Variants in IRF2 observed in about 807,000 individuals in gnomAD.
IRF2 encodes interferon regulatory factor 2.
A neutral mutation model predicts 40.6 loss-of-function variants in IRF2; 15 were observed. That is an observed-to-expected ratio of 0.37 (90% CI 0.25 to 0.57). IRF2 has a LOEUF of 0.57. Among genes scored for constraint, IRF2 ranks in the 20% least tolerant of loss-of-function variants. The probability of loss-of-function intolerance (pLI) is 0.77; values close to 1 mark genes in which losing one functional copy is unlikely to be tolerated. For synonymous variants in IRF2, 151 were observed against 165.5 expected (o/e 0.91, Z 0.67); for missense variants, 317 against 455.7 (o/e 0.70, Z 2.77).
intron 1 of IRF2, among the ~76,000 whole-genome samples, chr4:184,447,688 CAAG>C (rs1469331669): frequency 1.3e-5 from 2 of 152,152 alleles, no homozygotes; most frequent in Non-Finnish European, 2.9e-5. Context: ...TGTAAGGATG[CAAG>C]AAGAAGAAAG....
intron 2 of IRF2, among the ~76,000 whole-genome samples, chr4:184,426,377 C>T (rs932424234): frequency 6.6e-6 from 1 of 152,152 alleles, no homozygotes; most frequent in Non-Finnish European, 1.5e-5. Context: ...TGGAGTCCCT[C>T]GGCTGCGGCT....
chr4:184,406,581 T>A (rs1455610959), intron 6 of IRF2, among the ~76,000 whole-genome samples: 1 of 152,072 alleles, frequency 6.6e-6, no homozygotes, highest in African/African-American at 2.4e-5. Flanking sequence ...CACAATAAAA[T>A]ATGGCAAAAA....
intron 2 of IRF2, among the ~76,000 whole-genome samples, chr4:184,427,121 GCTAA>G (rs1737701910): frequency 6.6e-6 from 1 of 152,118 alleles, no homozygotes; most frequent in Non-Finnish European, 1.5e-5. Context: ...CGGCACCCCT[GCTAA>G]CTGAGCTGAC....
In IRF2 at chr4:184,408,042, G is replaced by A. The variant is rs1736925224; in HGVS notation, c.529+116C>T. Reference sequence around the variant, plus strand: ...CTGGGGGCTGGAACTTGCATTCTGAGATGATTCCAAGACCTCCTCCCACTG... The same window carrying A: ...CTGGGGGCTGGAACTTGCATTCTGAAATGATTCCAAGACCTCCTCCCACTG... On this transcript the variant is annotated intron_variant, in intron 6 of 8. Transcript: ENST00000393593. This position sits in a 1 kb window ranked among gnomAD's most constrained non-coding sequence, Gnocchi z 4.9. The A allele has an allele frequency of 4.8e-6, 3 of 627,558 alleles. No individual in the cohort carries two copies. Among genetic ancestry groups the A allele is most frequent in the Non-Finnish European group, 8.6e-6 (3 of 348,286 alleles). The allele number at this position is 627,558 out of a possible 1,614,324, so 38.9% of individuals were successfully genotyped here.
At chr4:184,416,215 G>A (rs1468167024) in intron 5 of IRF2, among the ~76,000 whole-genome samples, 3 of 151,774 alleles carry the variant, frequency 2.0e-5, no homozygotes, top group African/African-American at 7.3e-5. Flanking sequence ...ACTAGAGGGA[G>A]GCTGAGGCGG....
chr4:184,431,278 G>C (rs1219105093), intron 1 of IRF2, among the ~76,000 whole-genome samples: 1 of 152,190 alleles, frequency 6.6e-6, no homozygotes, highest in African/African-American at 2.4e-5. Flanking sequence ...TCATTCATTT[G>C]TTCATCCACC....
At chr4:184,468,515 T>C (rs1358937162) in intron 1 of IRF2, among the ~76,000 whole-genome samples, 1 of 151,692 alleles carries the variant, frequency 6.6e-6, no homozygotes, top group African/African-American at 2.4e-5. Flanking sequence ...GAAAATTCAA[T>C]GTATCACAAA....
intron 1 of IRF2, among the ~76,000 whole-genome samples, chr4:184,470,374 T>C (rs1441699339): frequency 6.6e-6 from 1 of 152,194 alleles, no homozygotes; most frequent in Non-Finnish European, 1.5e-5. Flanking sequence ...ATTCAATAAA[T>C]GCACATGAGC....
intron 1 of IRF2, among the ~76,000 whole-genome samples, chr4:184,447,954 C>T (rs1301789560): frequency 3.9e-5 from 6 of 152,124 alleles, no homozygotes; most frequent in Middle Eastern, 3.2e-3. Flanking sequence ...ACTCACACAG[C>T]GGTGCTAGTT....
intron 1 of IRF2, among the ~76,000 whole-genome samples, chr4:184,471,404 G>T (rs529653368): frequency 6.6e-6 from 1 of 152,114 alleles, no homozygotes; most frequent in African/African-American, 2.4e-5. Flanking sequence ...ACTGTGTCTG[G>T]CTTATAATAG....
rs535643535 is a variant in IRF2, at chr4:184,406,442, A to C, written c.529+1716T>G. Among the ~76,000 whole-genome samples the C allele has an allele frequency of 5.9e-5, 9 of 152,086 alleles. No homozygotes were observed. In the East Asian group the frequency reaches 1.4e-3, roughly 23 times the overall value. ...ACAGGGTTTCACCATATTGGCCAGG[A>C]TGGTCTTGATCTGCTGAGCTCGTGA... is the stretch of plus-strand genomic sequence containing the variant. On this transcript the variant is annotated intron_variant, in intron 6 of 8. Transcript: ENST00000393593.
Position 184,387,821 on chromosome 4 carries a change from TA to T in IRF2, c.*936del, listed in dbSNP as rs3832301. On this transcript the variant is annotated 3_prime_UTR_variant, in exon 9 of 9. Coordinates refer to ENST00000393593, the MANE Select transcript of IRF2 (RefSeq NM_002199.4). Reference sequence around the variant, plus strand: ...AAAGCTTTTTTCACCTTTACAAAATTAAAAAAAAAAATGTGCCACAAGGATG... The same window carrying T: ...AAAGCTTTTTTCACCTTTACAAAATTAAAAAAAAAATGTGCCACAAGGATG... 0.23 allele frequency: 33,812 copies of T among 148,542 alleles called. 3,831 individuals carry two copies. The highest frequency in any genetic ancestry group is 0.3 in the Middle Eastern group (87 of 292). 9.2% of individuals were successfully genotyped at this position (148,542 alleles called of 1,614,324 possible). A position where few individuals can be genotyped will look rare whatever the true frequency, so the allele number is the denominator to read the frequency against.
chr4:184,450,829 A>T (rs1025447027), intron 1 of IRF2, among the ~76,000 whole-genome samples: 2 of 152,208 alleles, frequency 1.3e-5, no homozygotes, highest in Non-Finnish European at 2.9e-5. Flanking sequence ...GGATCACGTT[A>T]AATGGCATTT....
chr4:184,466,645 G>T (rs1739340705), intron 1 of IRF2, among the ~76,000 whole-genome samples: 1 of 152,212 alleles, frequency 6.6e-6, no homozygotes, highest in African/African-American at 2.4e-5. Context: ...TTTAGATTGA[G>T]TTTGGGGCCT....
chr4:184,388,604 G>C lies in IRF2; in HGVS notation c.*154C>G, dbSNP rs1188852694. On this transcript the variant is annotated 3_prime_UTR_variant, in exon 9 of 9. Coordinates refer to ENST00000393593, the MANE Select transcript of IRF2 (RefSeq NM_002199.4). The surrounding 1 kb of genome is among the most constrained non-coding windows in gnomAD (Gnocchi z 4.6). ...AGTCCTGAGTTAAAGAGAAGCTCCA[G>C]TACTGGAGTTGGACACAGCAATCAA... The C allele has an allele frequency of 1.4e-6, 1 of 739,898 alleles. No individual in the cohort carries two copies. The highest frequency in any genetic ancestry group is 2.2e-6 in the Non-Finnish European group (1 of 455,074). The allele number at this position is 739,898 out of a possible 1,614,324, so 45.8% of individuals were successfully genotyped here. A position where few individuals can be genotyped will look rare whatever the true frequency, so the allele number is the denominator to read the frequency against.
intron 1 of IRF2, chr4:184,472,411 C>T (rs968157710): frequency 8.5e-5 from 13 of 152,128 alleles, no homozygotes; most frequent in Middle Eastern, 3.2e-3. Flanking sequence ...AACTGAACTG[C>T]TCAAAGAGAA....
chr4:184,439,172 TCTC>T (rs1218181721), intron 1 of IRF2, among the ~76,000 whole-genome samples: 2 of 152,000 alleles, frequency 1.3e-5, no homozygotes, highest in Non-Finnish European at 2.9e-5. Context: ...AACCACCAAT[TCTC>T]CTACTACGTA....
At chr4:184,417,706 A>G (rs1737331882) in intron 5 of IRF2, among the ~76,000 whole-genome samples, 1 of 152,220 alleles carries the variant, frequency 6.6e-6, no homozygotes, top group Non-Finnish European at 1.5e-5. Flanking sequence ...GCTGACATTG[A>G]CCACTCTGTC....
chr4:184,409,433 G>A (rs1346708572), intron 5 of IRF2, among the ~76,000 whole-genome samples: 1 of 152,094 alleles, frequency 6.6e-6, no homozygotes, highest in African/African-American at 2.4e-5. Context: ...TCACTCCACT[G>A]TATAGCTCGG....
Sources: gnomAD v4.1 joint callset for allele counts (sites outside exome capture counted in the v4.1 genomes callset) on GRCh38, gnomAD v4.1.1 for gene constraint, Gnocchi (gnomAD v3.1) non-coding constraint, MANE v1.5 for transcripts, NCBI Gene and HGNC (gene_info 2026-07-23, HGNC 2026-07-21) for gene names.